The following ANO10 variants were observed in gnomAD, a reference collection of about 807,000 sequenced individuals.
The protein encoded by ANO10 is anoctamin-10.
ANO10 carries 77 observed loss-of-function variants against 74.7 expected under a neutral mutation model. The observed-to-expected ratio is 1.03, with a 90% CI of 0.86 to 1.25. The LOEUF (loss-of-function observed/expected upper bound fraction) is 1.25, where lower values mean the gene tolerates loss of function less well. ANO10 is among the 50% of genes most tolerant of loss of function. ANO10 has a pLI of 0.00. For synonymous variants in ANO10, 279 were observed against 284.9 expected (o/e 0.98, Z 0.21); for missense variants, 721 against 778.1 (o/e 0.93, Z 0.87).
chr3:43,511,344 A>C (rs1375647461), intron 11 of ANO10, among the ~76,000 whole-genome samples: 1 of 152,152 alleles, frequency 6.6e-6, no homozygotes. Flanking sequence ...ATATCTGCAA[A>C]ATCTCAGAAA....
chr3:43,585,425 C>T (rs1168740591), intron 4 of ANO10, among the ~76,000 whole-genome samples: 3 of 152,188 alleles, frequency 2.0e-5, no homozygotes, highest in African/African-American at 7.2e-5. Flanking sequence ...TCTATTATTG[C>T]TTCAGGATAC....
At position 43,590,852 on chromosome 3, in the gene ANO10, T is replaced by C. The variant is rs971016937; in HGVS notation, c.472+7680A>G. Among the ~76,000 whole-genome samples the C allele has an allele frequency of 8.5e-5, 13 of 152,180 alleles. No individual in the cohort carries two copies. In the East Asian group the frequency reaches 1.7e-3, roughly 20 times the overall value. ...CTGGATTTCCTAGGCCGACTAAGAA[T>C]TCCTAAGCCTAGCTATGAAGGTGAC... On this transcript the variant is annotated intron_variant, in intron 4 of 12. Coordinates refer to ENST00000292246, the MANE Select transcript of ANO10 (RefSeq NM_018075.5).
chr3:43,453,421 T>C (rs954811474), intron 11 of ANO10, among the ~76,000 whole-genome samples: 3 of 152,120 alleles, frequency 2.0e-5, no homozygotes, highest in African/African-American at 7.2e-5. Flanking sequence ...CCTCATGATA[T>C]GCCCACCTCG....
chr3:43,553,276 T>C (rs2149320043), intron 10 of ANO10, among the ~76,000 whole-genome samples: 1 of 152,336 alleles, frequency 6.6e-6, no homozygotes, highest in Non-Finnish European at 1.5e-5. Context: ...TTACGATGTG[T>C]GTTGGCAAGG....
chr3:43,678,795 T>G (rs1201371751), intron 1 of ANO10, among the ~76,000 whole-genome samples: 2 of 152,262 alleles, frequency 1.3e-5, no homozygotes, highest in Admixed American at 6.5e-5. Context: ...TGAGCCATTA[T>G]AAGTTGGGGA....
At position 43,669,056 on chromosome 3, in the gene ANO10, T is replaced by C. The variant is rs149105431; in HGVS notation, c.-12+22461A>G. 3.7e-3 allele frequency among the ~76,000 whole-genome samples: 556 copies of C among 152,292 alleles called. 2 individuals carry two copies. Among genetic ancestry groups the C allele is most frequent in the Admixed American group, 7.7e-3 (117 of 15,294 alleles). On this transcript the variant is annotated intron_variant, in intron 1 of 3. Coordinates refer to the ANO10 transcript ENST00000413397. ...GTCCTATGATTAGGTCTTGGTCTTT[T>C]GATGAGTCTATGCCCCTGGACTGCA...
chr3:43,676,956 A>T (rs2084130787), intron 1 of ANO10, among the ~76,000 whole-genome samples: 1 of 152,228 alleles, frequency 6.6e-6, no homozygotes, highest in Non-Finnish European at 1.5e-5. Flanking sequence ...AACAAAATTA[A>T]CAAACTACAG....
At chr3:43,671,105 T>C (rs2084054016) in intron 1 of ANO10, among the ~76,000 whole-genome samples, 2 of 152,198 alleles carry the variant, frequency 1.3e-5, no homozygotes, top group South Asian at 4.1e-4. Context: ...ATATTAACTA[T>C]TAAGAATGAT....
At chr3:43,376,032 G>C (rs1451127829) in intron 12 of ANO10, among the ~76,000 whole-genome samples, 2 of 152,214 alleles carry the variant, frequency 1.3e-5, no homozygotes, top group South Asian at 4.1e-4. Flanking sequence ...GTTCATTGCT[G>C]TGTGTGCCCC....
At chr3:43,386,648 C>CGTGTGTACGT (rs2092126640) in intron 12 of ANO10, among the ~76,000 whole-genome samples, 1 of 139,892 alleles carries the variant, frequency 7.1e-6, no homozygotes, top group Non-Finnish European at 1.5e-5. Context: ...TAGGTGTGTA[C>CGTGTGTACGT]GTGTGTGTGT....
At chr3:43,597,845 G>A (rs1298753983) in intron 4 of ANO10, among the ~76,000 whole-genome samples, 1 of 151,976 alleles carries the variant, frequency 6.6e-6, no homozygotes, top group Non-Finnish European at 1.5e-5. Context: ...TTGAGCCCAG[G>A]AGATGGAGGC....
At position 43,366,900 on chromosome 3, in the gene ANO10, G is replaced by T; in HGVS notation, c.*6C>A. 1 of 1,583,876 alleles carries T rather than the reference G, an allele frequency of 6.3e-7. No individual in the cohort carries two copies. The highest frequency in any genetic ancestry group is 2.3e-5 in the East Asian group (1 of 43,986). On this transcript the variant is annotated 3_prime_UTR_variant, in exon 13 of 13. Coordinates refer to ENST00000292246, the MANE Select transcript of ANO10 (RefSeq NM_018075.5). ...TGCCAACAGGGCAGCTGGGCACGCT[G>T]GGCACTCAGGTTGCCTTCTCCTTCC...
intron 11 of ANO10, among the ~76,000 whole-genome samples, chr3:43,434,198 G>C (rs1374037757): frequency 1.3e-5 from 2 of 152,154 alleles, no homozygotes; most frequent in Admixed American, 1.3e-4. Flanking sequence ...ATAGACCAGG[G>C]ACAGACAGCC....
chr3:43,607,360 C>G (rs1017182210), intron 1 of ANO10, among the ~76,000 whole-genome samples: 1 of 143,980 alleles, frequency 6.9e-6, no homozygotes, highest in Admixed American at 7.0e-5. Flanking sequence ...AACAAACAAA[C>G]AAAAAAAAAA....
intron 11 of ANO10, among the ~76,000 whole-genome samples, chr3:43,507,734 T>C (rs780204604): frequency 9.2e-5 from 14 of 151,920 alleles, no homozygotes. Flanking sequence ...ATATACAAGC[T>C]CAGGGATTTT....
rs189791929 is a variant in ANO10 at position 43,554,432 on chromosome 3, A to T, written c.1668+846T>A. Among the ~76,000 whole-genome samples, 161 of 152,140 alleles carry T rather than the reference A, an allele frequency of 1.1e-3. 1 individual carries two copies. The highest frequency in any genetic ancestry group is 3.8e-3 in the African/African-American group (158 of 41,532). On this transcript the variant is annotated intron_variant, in intron 10 of 12. Transcript: ENST00000292246. ...GGTCTCGAACTCCTGACCTCAGGTA[A>T]TCCGCCTGCCTCAACCTCCCAAAGT...
At chr3:43,678,855 C>T (rs1159223273) in intron 1 of ANO10, among the ~76,000 whole-genome samples, 1 of 152,278 alleles carries the variant, frequency 6.6e-6, no homozygotes, top group Admixed American at 6.5e-5. Flanking sequence ...AAAAATTACA[C>T]ATTCAATTAA....
intron 11 of ANO10, among the ~76,000 whole-genome samples, chr3:43,547,292 A>G (rs1207074219): frequency 1.3e-5 from 2 of 152,236 alleles, no homozygotes; most frequent in African/African-American, 2.4e-5. Flanking sequence ...AAATTGGCTA[A>G]CAAAAGTTAT....
At chr3:43,457,911 C>T (rs371706457) in intron 11 of ANO10, among the ~76,000 whole-genome samples, 38 of 152,178 alleles carry the variant, frequency 2.5e-4, no homozygotes, top group Middle Eastern at 3.4e-3. Flanking sequence ...GTCTGATCAA[C>T]CAAGATGCAA....
Sources: gnomAD v4.1 joint callset for allele counts (sites outside exome capture counted in the v4.1 genomes callset) on GRCh38, gnomAD v4.1.1 for gene constraint, MANE v1.5 for transcripts, NCBI Gene and HGNC (gene_info 2026-07-23, HGNC 2026-07-21) for gene names.